PRG4: variants seen among roughly 807,000 people sequenced by gnomAD.
PRG4 encodes proteoglycan 4, also known as articular superficial zone protein.
In PRG4, 61 loss-of-function variants were observed where a neutral mutation model predicts 91.2. The ratio of observed to expected loss-of-function variants is 0.67; its 90% CI spans 0.54 to 0.83. PRG4 has a LOEUF of 0.83. Among genes scored for constraint, PRG4 ranks in the 40% least tolerant of loss-of-function variants. The probability of loss-of-function intolerance (pLI) is 0.00; values close to 1 mark genes in which losing one functional copy is unlikely to be tolerated. For missense variants in PRG4, 1,564 were observed against 1,714.2 expected, an observed-to-expected ratio of 0.91 and a Z score of 1.55; for synonymous variants, 576 against 614.2, an observed-to-expected ratio of 0.94 and a Z score of 0.92.
At chr1:186,304,033 A>C in intron 4 of PRG4, 75 bp from the exon 5 acceptor site, 1 of 1,506,850 alleles carries the variant, frequency 6.6e-7, no homozygotes, top group Non-Finnish European at 9.2e-7. Flanking sequence ...AGCTAGATGC[A>C]TCTGTGCTTT....
rs771654669 is a variant in PRG4 at position 186,312,289 on chromosome 1, G to A, written c.3908G>A (p.Arg1303His). ...GAAACGACACAGGTTAGGAGACGTC[G>A]CTTTGAACGTGCTATAGGACCTTCT... Reference protein sequence around the residue: ...YGETTQVRRRRFERAIGPSQT... With the variant: ...YGETTQVRRRHFERAIGPSQT... Residue 1303 changes from arginine to histidine, a missense_variant, in exon 11 of 13, where the codon CGC becomes CAC. This residue lies in a region of PRG4 where 1,079 missense variants were observed against 1,162.2 expected (regional missense o/e 0.93). Transcript: ENST00000445192. 17 of 1,613,762 alleles carry A rather than the reference G, an allele frequency of 1.1e-5. No individual in the cohort carries two copies. The highest frequency in any genetic ancestry group is 4.4e-5 in the South Asian group (4 of 90,992).
chr1:186,307,032 C>T lies in PRG4; in HGVS notation c.1313C>T (p.Thr438Ile), dbSNP rs145437144. ...ACCACTCCCAAGGAGCCTGCACCCA[C>T]CACCCCCAAGAAGCCTGCCCCAACT... ...APTTPKEPAP[T>I]TPKKPAPTTP... The change falls in exon 7 of 13, where the codon ACC becomes ATC. Residue 438 changes from threonine to isoleucine, a missense_variant. By Grantham distance (89) the Thr-to-Ile change is moderately conservative. Coordinates refer to ENST00000445192, the MANE Select transcript of PRG4 (RefSeq NM_005807.6). 4.4e-6 allele frequency: 7 copies of T among 1,603,060 alleles called. No homozygotes were observed. The African/African-American group carries it at 5.6e-5, about 13-fold the overall frequency.
intron 12 of PRG4, chr1:186,313,432 T>C: frequency 2.2e-6 from 1 of 448,706 alleles, no homozygotes; most frequent in Middle Eastern, 6.2e-4. Flanking sequence ...CTTTAATGTT[T>C]ACTTCATAAA....
In PRG4 at chr1:186,308,994, CAA is replaced by C. The variant is rs1258207620; in HGVS notation, c.3277_3278del (p.Lys1093GlufsTer2). ...AACTCCAAACTAGTTGAAGTAAATC[CAA>C]AGAGTGAAGATGCAGGTGGTGCTGA... is the stretch of plus-strand genomic sequence containing the variant. On this transcript the variant is annotated frameshift_variant, in exon 7 of 13. Transcript: ENST00000445192. LOFTEE classifies it high-confidence loss of function. 9.9e-6 allele frequency: 16 copies of C among 1,609,184 alleles called. No individual in the cohort carries two copies. Among genetic ancestry groups the C allele is most frequent in the African/African-American group, 1.3e-5 (1 of 74,582 alleles).
rs767559777 is a variant in PRG4, at chr1:186,301,651, G to T, written c.259G>T (p.Asp87Tyr). Residue 87 changes from aspartate to tyrosine, a missense_variant, in exon 4 of 13, where the codon GAC (aspartate) becomes TAC (tyrosine). By Grantham distance (160) the Asp-to-Tyr change is radical (BLOSUM62 -3). This residue lies in a region of PRG4 where 437 missense variants were observed against 459.0 expected (regional missense o/e 0.95). Coordinates refer to ENST00000445192, the MANE Select transcript of PRG4 (RefSeq NM_005807.6). ...SFERGRECDC[D>Y]AQCKKYDKCC... is the part of the protein sequence containing the mutation. ...CGAGAGAGGGAGGGAGTGTGACTGC[G>T]ACGCCCAATGTAAGAAGTATGACAA... is the stretch of plus-strand genomic sequence containing the variant. 2.5e-6 allele frequency: 4 copies of T among 1,613,706 alleles called. No homozygotes were observed. The highest frequency in any genetic ancestry group is 3.4e-6 in the Non-Finnish European group (4 of 1,179,800).
chr1:186,309,230 A>G lies in PRG4; in HGVS notation c.3421+90A>G, dbSNP rs112168752. The G allele has an allele frequency of 2.3e-6, 3 of 1,312,866 alleles. No homozygotes were observed. The African/African-American group carries it at 4.4e-5, about 19-fold the overall frequency. The allele number at this position is 1,312,866 out of a possible 1,614,324, so 81.3% of individuals were successfully genotyped here. A position where few individuals can be genotyped will look rare whatever the true frequency, so the allele number is the denominator to read the frequency against. The stretch of plus-strand genomic sequence containing the variant: ...GAATGCCTTAGTTTAGTATCACTCA[A>G]CTGAGATATATTACCTGACCTTGTT... On this transcript the variant is annotated intron_variant, in intron 7 of 12. Transcript: ENST00000445192.
rs1656979921 is a variant in PRG4, at chr1:186,309,073, T to C, written c.3354T>C (p.Val1118=). 1 of 1,614,060 alleles carries C rather than the reference T, an allele frequency of 6.2e-7. No individual in the cohort carries two copies. The highest frequency in any genetic ancestry group is 8.5e-7 in the Non-Finnish European group (1 of 1,179,952). Residue 1118 remains valine, a synonymous_variant, in exon 7 of 13, where the codon GTT becomes GTC. Transcript: ENST00000445192. ...GGCCCCATGTGTTCATGCCTGAAGT[T>C]ACTCCCGACATGGATTACTTACCGA... ...LLRPHVFMPE[V]TPDMDYLPRV...
At chr1:186,303,206 C>T (rs1656329242) in intron 4 of PRG4, among the ~76,000 whole-genome samples, 1 of 151,998 alleles carries the variant, frequency 6.6e-6, no homozygotes, top group African/African-American at 2.4e-5. Context: ...AAACAGAGTC[C>T]AAGAGGTTAA....
intron 7 of PRG4, 112 bp downstream of exon 7, chr1:186,309,252 T>C (rs1029557379): frequency 2.2e-5 from 25 of 1,135,570 alleles, no homozygotes; most frequent in Non-Finnish European, 2.9e-5. Context: ...TACCTGACCT[T>C]GTTAGCTTGT....
At chr1:186,300,781 G>A (rs948460202) in intron 3 of PRG4, among the ~76,000 whole-genome samples, 2 of 152,124 alleles carry the variant, frequency 1.3e-5, no homozygotes, top group African/African-American at 4.8e-5. Context: ...ATTATGAGTG[G>A]TGTTTCACTT....
intron 11 of PRG4, 52 bp downstream of exon 11, chr1:186,312,424 C>A: frequency 6.7e-7 from 1 of 1,485,144 alleles, no homozygotes; most frequent in Non-Finnish European, 9.2e-7. Context: ...AGATGTAATA[C>A]AGTTTCTTAT....
rs774798475 is a variant in PRG4 at position 186,301,644 on chromosome 1, T to G, written c.252T>G (p.Cys84Trp). The change falls in exon 4 of 13, where the codon TGT (cysteine) becomes TGG (tryptophan). Residue 84 changes from cysteine to tryptophan, a missense_variant. Cys to Trp is a radical substitution (Grantham distance 215, BLOSUM62 -2). This residue lies in a region of PRG4 where 437 missense variants were observed against 459.0 expected (regional missense o/e 0.95). Transcript: ENST00000445192. ...CFESFERGRE[C>W]DCDAQCKKYD... is the part of the protein sequence containing the mutation. ...AGTCCTTCGAGAGAGGGAGGGAGTGTGACTGCGACGCCCAATGTAAGAAGT... is the reference window on the plus strand; with the variant it reads ...AGTCCTTCGAGAGAGGGAGGGAGTGGGACTGCGACGCCCAATGTAAGAAGT... 1 of 1,613,788 alleles carries G rather than the reference T, an allele frequency of 6.2e-7. No homozygotes were observed. The highest frequency in any genetic ancestry group is 8.5e-7 in the Non-Finnish European group (1 of 1,179,854).
At position 186,309,605 on chromosome 1, in the gene PRG4, TTG is replaced by T. The variant is rs1657024523; in HGVS notation, c.3422-187_3422-186del. ...TAATAATTTATTTCATATAATACTT[TTG>T]AAGAGTATCATCTTTAAGTAAAATG... On this transcript the variant is annotated intron_variant, in intron 7 of 12. Transcript: ENST00000445192. 2.0e-5 allele frequency among the ~76,000 whole-genome samples: 3 copies of T among 152,206 alleles called. No individual in the cohort carries two copies. The South Asian group carries it at 6.2e-4, about 32-fold the overall frequency.
In PRG4 at chr1:186,314,105, A is replaced by G; in HGVS notation, c.*327A>G. The G allele has an allele frequency of 7.5e-7, 1 of 1,336,850 alleles. No homozygotes were observed. The highest frequency in any genetic ancestry group is 1.9e-4 in the Middle Eastern group (1 of 5,234). The allele number at this position is 1,336,850 out of a possible 1,614,324, so 82.8% of individuals were successfully genotyped here. ...GTGTATTCACTTACCCTAGTTCATT[A>G]TAAAAAATATCTAGGCATTGTGGAT... On this transcript the variant is annotated 3_prime_UTR_variant, in exon 13 of 13. Coordinates refer to ENST00000445192, the MANE Select transcript of PRG4 (RefSeq NM_005807.6).
chr1:186,300,296 T>C, intron 3 of PRG4, 83 bp downstream of exon 3: 1 of 1,574,028 alleles, frequency 6.4e-7, no homozygotes, highest in African/African-American at 1.3e-5. Context: ...TGCAGTGCTG[T>C]GAGACTGAGC....
intron 2 of PRG4, among the ~76,000 whole-genome samples, chr1:186,298,463 T>C (rs549095496): frequency 6.6e-6 from 1 of 151,952 alleles, no homozygotes; most frequent in South Asian, 2.1e-4. Flanking sequence ...TCTATGAAAG[T>C]AAGCTTTTCC....
At chr1:186,312,603 T>C in intron 11 of PRG4, 166 bp from the exon 12 acceptor site, 2 of 802,234 alleles carry the variant, frequency 2.5e-6, no homozygotes, top group Non-Finnish European at 4.0e-6. Flanking sequence ...TAACCAATAC[T>C]ATTTATCAAG....
At chr1:186,306,028 G>T (rs1656532121) in intron 6 of PRG4, among the ~76,000 whole-genome samples, 1 of 152,120 alleles carries the variant, frequency 6.6e-6, no homozygotes, top group Non-Finnish European at 1.5e-5. Flanking sequence ...ATAAACAGAT[G>T]AATTAGTGTT....
In PRG4 at chr1:186,309,028, A is replaced by G; in HGVS notation, c.3309A>G (p.Glu1103=). The G allele has an allele frequency of 6.2e-7, 1 of 1,612,018 alleles. No individual in the cohort carries two copies. Among genetic ancestry groups the G allele is most frequent in the Non-Finnish European group, 8.5e-7 (1 of 1,178,752 alleles). The change falls in exon 7 of 13, where the codon GAA becomes GAG. Residue 1103 remains glutamate (E), a synonymous_variant. Coordinates refer to ENST00000445192, the MANE Select transcript of PRG4 (RefSeq NM_005807.6). The part of the protein sequence containing the change: ...KSEDAGGAEG[E]TPHMLLRPHV... ...AAGATGCAGGTGGTGCTGAAGGAGAAACACCTCATATGCTTCTCAGGCCCC... is the reference window on the plus strand; with the variant it reads ...AAGATGCAGGTGGTGCTGAAGGAGAGACACCTCATATGCTTCTCAGGCCCC...
Sources: allele counts gnomAD v4.1 joint callset (sites outside exome capture counted in the v4.1 genomes callset), GRCh38; gene constraint gnomAD v4.1.1; regional missense constraint gnomAD v4.1.1; transcripts MANE v1.5; gene names NCBI Gene and HGNC (gene_info 2026-07-23, HGNC 2026-07-21).